GRHL2: variants seen among roughly 807,000 people sequenced by gnomAD.
The protein encoded by GRHL2 is grainyhead-like protein 2 homolog.
A neutral mutation model predicts 83.8 loss-of-function variants in GRHL2; 21 were observed. The ratio of observed to expected loss-of-function variants is 0.25; its 90% CI spans 0.18 to 0.36. The LOEUF (loss-of-function observed/expected upper bound fraction) is 0.36. Among genes scored for constraint, GRHL2 ranks in the 10% least tolerant of loss-of-function variants. The pLI is 1.00. For synonymous variants in GRHL2, 280 were observed against 278.9 expected (o/e 1.00, Z -0.04); for missense variants, 623 against 781.8 (o/e 0.80, Z 2.42).
chr8:101,554,899 T>C (rs1375764660), intron 3 of GRHL2, among the ~76,000 whole-genome samples: 1 of 152,240 alleles, frequency 6.6e-6, no homozygotes, highest in African/African-American at 2.4e-5. Context: ...AGTTCTCTGG[T>C]ATTAGCTTCA....
At chr8:101,530,694 C>CA in intron 1 of GRHL2, among the ~76,000 whole-genome samples, 2 of 152,152 alleles carry the variant, frequency 1.3e-5, no homozygotes, top group Non-Finnish European at 2.9e-5. Context: ...GATATGTACT[C>CA]TCTAGATTGT....
chr8:101,507,938 A>T (rs1277715483), intron 1 of GRHL2, among the ~76,000 whole-genome samples: 1 of 151,862 alleles, frequency 6.6e-6, no homozygotes, highest in Non-Finnish European at 1.5e-5. Context: ...GTGTGCCACC[A>T]TGCCCAGCTA....
intron 14 of GRHL2, among the ~76,000 whole-genome samples, chr8:101,660,650 C>CT (rs1268057579): frequency 6.6e-6 from 1 of 152,114 alleles, no homozygotes; most frequent in African/African-American, 2.4e-5. Flanking sequence ...CAGTCAGATT[C>CT]TAAGTTGTTG....
At position 101,636,998 on chromosome 8, in the gene GRHL2, A is replaced by G; in HGVS notation, c.1517+70A>G. The G allele has an allele frequency of 2.9e-6, 4 of 1,363,252 alleles. No individual in the cohort carries two copies. In the East Asian group the frequency reaches 7.0e-5, roughly 24 times the overall value. The allele number at this position is 1,363,252 out of a possible 1,614,324, so 84.4% of individuals were successfully genotyped here. Reference sequence around the variant, plus strand: ...TGTCAGTGGTAATGGCTCTTCCAGCACTTGGTAACCCTAGGCAGGAAGTGA... The same window carrying G: ...TGTCAGTGGTAATGGCTCTTCCAGCGCTTGGTAACCCTAGGCAGGAAGTGA... On this transcript the variant is annotated intron_variant, in intron 12 of 15. Coordinates refer to ENST00000646743, the MANE Select transcript of GRHL2 (RefSeq NM_024915.4).
intron 1 of GRHL2, among the ~76,000 whole-genome samples, chr8:101,530,419 C>T (rs1432494253): frequency 2.0e-5 from 3 of 152,220 alleles, no homozygotes; most frequent in African/African-American, 7.2e-5. Context: ...CTGACTCTCT[C>T]TTTAATTCTC....
rs1812485098 is a variant in GRHL2, at chr8:101,600,396, ACCT to A, written c.1098+1250_1098+1252del. On this transcript the variant is annotated intron_variant, in intron 8 of 15. Coordinates refer to ENST00000646743, the MANE Select transcript of GRHL2 (RefSeq NM_024915.4). Reference sequence around the variant, plus strand: ...GCCATGTGCTTTCGGCACTTTGTTAACCTCCTCGGCTACCCGAGCCCCGTTCTC... The same window carrying A: ...GCCATGTGCTTTCGGCACTTTGTTAACCTCGGCTACCCGAGCCCCGTTCTC... Among the ~76,000 whole-genome samples, 3 of 151,946 alleles carry A rather than the reference ACCT, an allele frequency of 2.0e-5. No individual in the cohort carries two copies. In the South Asian group the frequency reaches 6.3e-4, roughly 32 times the overall value.
chr8:101,507,890 G>A (rs1188904034), intron 1 of GRHL2, among the ~76,000 whole-genome samples: 1 of 135,654 alleles, frequency 7.4e-6, no homozygotes, highest in Non-Finnish European at 1.5e-5. Flanking sequence ...CAATTTTCGT[G>A]CCTTAGCCTC....
At chr8:101,510,816 C>A (rs189858320) in intron 1 of GRHL2, among the ~76,000 whole-genome samples, 1 of 152,196 alleles carries the variant, frequency 6.6e-6, no homozygotes, top group African/African-American at 2.4e-5. Flanking sequence ...ACTTGTCGGC[C>A]GGGCGTGGTG....
chr8:101,608,276 G>C (rs1207172851), intron 8 of GRHL2, among the ~76,000 whole-genome samples: 1 of 152,264 alleles, frequency 6.6e-6, no homozygotes, highest in African/African-American at 2.4e-5. Context: ...ACCTTAGGCT[G>C]TCTGGTTCTG....
downstream of GRHL2, among the ~76,000 whole-genome samples, chr8:101,671,556 T>C (rs1442408035): frequency 6.6e-6 from 1 of 152,174 alleles, no homozygotes; most frequent in African/African-American, 2.4e-5. Context: ...GGGTGGAGCC[T>C]ACCACAGCTC....
intron 14 of GRHL2, among the ~76,000 whole-genome samples, chr8:101,650,923 C>T (rs116523981): frequency 3.3e-5 from 5 of 151,948 alleles, no homozygotes; most frequent in East Asian, 3.9e-4. Flanking sequence ...CAGGCAATTC[C>T]GAGTGGAGCA....
chr8:101,631,262 A>G (rs896624973), intron 9 of GRHL2, among the ~76,000 whole-genome samples: 1 of 152,218 alleles, frequency 6.6e-6, no homozygotes, highest in African/African-American at 2.4e-5. Flanking sequence ...AATAAATTTA[A>G]TGGGTCAATG....
intron 8 of GRHL2, among the ~76,000 whole-genome samples, chr8:101,603,426 C>A (rs1287326810): frequency 1.3e-5 from 2 of 152,156 alleles, no homozygotes; most frequent in Non-Finnish European, 1.5e-5. Flanking sequence ...ATGGATTTCT[C>A]CAAAGCATAC....
Position 101,666,806 on chromosome 8 carries a change from C to CACA in GRHL2, c.*106_*108dup. 1 of 759,220 alleles carries CACA rather than the reference C, an allele frequency of 1.3e-6. No individual in the cohort carries two copies. The allele number at this position is 759,220 out of a possible 1,614,324, so 47.0% of individuals were successfully genotyped here. On this transcript the variant is annotated 3_prime_UTR_variant, in exon 16 of 16. Transcript: ENST00000646743. Reference sequence around the variant, plus strand: ...ACCTGGAGACCCATCTCCCCCATCTCACAACTGCTGTTACAAGACCGTGCT... The same window carrying CACA: ...ACCTGGAGACCCATCTCCCCCATCTCACAACAACTGCTGTTACAAGACCGTGCT...
Position 101,619,185 on chromosome 8 carries a change from G to A in GRHL2, c.1099-354G>A, listed in dbSNP as rs866559671. ...GGAGAATGGCGTGAACCTGGGAGGG[G>A]GAGGTTGCAGTGAGCTGAGATCACG... On this transcript the variant is annotated intron_variant, in intron 8 of 15. Coordinates refer to ENST00000646743, the MANE Select transcript of GRHL2 (RefSeq NM_024915.4). Among the ~76,000 whole-genome samples, 3 of 152,032 alleles carry A rather than the reference G, an allele frequency of 2.0e-5. No homozygotes were observed. The South Asian group carries it at 6.2e-4, about 32-fold the overall frequency.
chr8:101,650,376 C>A (rs542571643), intron 14 of GRHL2, among the ~76,000 whole-genome samples: 1 of 152,042 alleles, frequency 6.6e-6, no homozygotes, highest in Non-Finnish European at 1.5e-5. Flanking sequence ...AATAGTATTC[C>A]GTTGTGTAAA....
rs79609366 is a variant in GRHL2 at position 101,611,106 on chromosome 8, A to T, written c.1099-8433A>T. On this transcript the variant is annotated intron_variant, in intron 8 of 15. Transcript: ENST00000646743. The stretch of plus-strand genomic sequence containing the variant: ...CTCCTAAAAATCTTTAACAAAACAT[A>T]GTTAGTTGTTTACATACTTCCCCAT... Among the ~76,000 whole-genome samples the T allele has an allele frequency of 2.4e-3, 361 of 151,078 alleles. 9 individuals carry two copies. The East Asian group carries it at 0.057, about 24-fold the overall frequency.
At chr8:101,661,655 A>G (rs980253350) in intron 14 of GRHL2, among the ~76,000 whole-genome samples, 3 of 152,210 alleles carry the variant, frequency 2.0e-5, no homozygotes, top group Non-Finnish European at 2.9e-5. Context: ...GGCTGATTGA[A>G]TCCAAGAATG....
chr8:101,613,158 G>A (rs57057957), intron 8 of GRHL2, among the ~76,000 whole-genome samples: 4,420 of 150,830 alleles, frequency 0.029, 327 homozygotes, highest in East Asian at 0.18. Flanking sequence ...AGCAGGCAGC[G>A]AAGCCTCTGA....
Sources: allele counts gnomAD v4.1 joint callset (sites outside exome capture counted in the v4.1 genomes callset), GRCh38; gene constraint gnomAD v4.1.1; transcripts MANE v1.5; gene names NCBI Gene and HGNC (gene_info 2026-07-23, HGNC 2026-07-21).